RIMS2: variants seen among roughly 807,000 people sequenced by gnomAD.
The protein encoded by RIMS2 is regulating synaptic membrane exocytosis protein 2.
A neutral mutation model predicts 174.4 loss-of-function variants in RIMS2; 59 were observed. That is an observed-to-expected ratio of 0.34 (90% CI 0.27 to 0.42). The LOEUF is 0.42. Among genes scored for constraint, RIMS2 ranks in the 10% least tolerant of loss-of-function variants. The probability of loss-of-function intolerance (pLI) is 1.00; values close to 1 mark genes in which losing one functional copy is unlikely to be tolerated. For missense variants in RIMS2, 1,620 were observed against 1,666.3 expected (o/e 0.97, Z 0.48); for synonymous variants, 606 against 572.5 (o/e 1.06, Z -0.84).
At chr8:103,783,394 A>C (rs1322968520) in intron 3 of RIMS2, among the ~76,000 whole-genome samples, 1 of 149,824 alleles carries the variant, frequency 6.7e-6, no homozygotes, top group East Asian at 2.0e-4. Context: ...AGCATTAGGT[A>C]TATCTCCCAA....
At chr8:104,072,202 A>G (rs1316342081) in intron 19 of RIMS2, among the ~76,000 whole-genome samples, 1 of 152,340 alleles carries the variant, frequency 6.6e-6, no homozygotes, top group East Asian at 1.9e-4. Context: ...AGAGAAAGTT[A>G]CAGAGGAATC....
At chr8:104,117,122 G>A (rs752281781) in intron 19 of RIMS2, among the ~76,000 whole-genome samples, 1 of 152,066 alleles carries the variant, frequency 6.6e-6, no homozygotes, top group African/African-American at 2.4e-5. Context: ...ACTGAGGCAG[G>A]AGGATCACTG....
intron 19 of RIMS2, among the ~76,000 whole-genome samples, chr8:104,088,554 T>C (rs1374458526): frequency 6.6e-6 from 1 of 152,088 alleles, no homozygotes; most frequent in African/African-American, 2.4e-5. Context: ...AAAATTGGGC[T>C]TCTATATTAT....
At chr8:103,735,312 T>C (rs529676546) in intron 2 of RIMS2, among the ~76,000 whole-genome samples, 2 of 152,334 alleles carry the variant, frequency 1.3e-5, no homozygotes, top group African/African-American at 4.8e-5. Context: ...GATGTTTTCT[T>C]GTTACTTTCT....
intron 1 of RIMS2, among the ~76,000 whole-genome samples, chr8:103,574,495 G>T (rs935139327): frequency 6.6e-6 from 1 of 152,098 alleles, no homozygotes; most frequent in Non-Finnish European, 1.5e-5. Context: ...AGATTACTTC[G>T]TCTGTTTATT....
exon 16 of RIMS2, chr8:103,975,366 T>A: frequency 6.2e-7 from 1 of 1,612,408 alleles, no homozygotes; most frequent in Non-Finnish European, 8.5e-7. Flanking sequence ...GACATGATGG[T>A]CGAGATCTTC....
intron 19 of RIMS2, among the ~76,000 whole-genome samples, chr8:104,155,835 C>T (rs770637406): frequency 1.3e-5 from 2 of 152,158 alleles, no homozygotes; most frequent in African/African-American, 2.4e-5. Flanking sequence ...CCTAGTTAAG[C>T]TCTTCATCAG....
intron 3 of RIMS2, among the ~76,000 whole-genome samples, chr8:103,854,176 C>A (rs2099014271): frequency 6.6e-6 from 1 of 152,018 alleles, no homozygotes; most frequent in Admixed American, 6.6e-5. Flanking sequence ...ATTTGGCACT[C>A]AGCCTGGACA....
intron 19 of RIMS2, among the ~76,000 whole-genome samples, chr8:104,175,776 C>G (rs980840902): frequency 7.9e-5 from 12 of 152,072 alleles, no homozygotes; most frequent in African/African-American, 2.9e-4. Context: ...TAGAGGAATT[C>G]TTTCTGTAAA....
chr8:103,757,634 A>G (rs373036617), intron 2 of RIMS2, among the ~76,000 whole-genome samples: 137 of 152,332 alleles, frequency 9.0e-4, no homozygotes, highest in African/African-American at 3.2e-3. Flanking sequence ...ATGTTATCTT[A>G]TATGGCCCCC....
At chr8:104,223,705 C>G in intron 19 of RIMS2, 1 of 1,592,544 alleles carries the variant, frequency 6.3e-7, no homozygotes. Context: ...CCATGCAGCG[C>G]TCCCAGAGCC....
chr8:103,618,328 A>G (rs1042272464), intron 1 of RIMS2, among the ~76,000 whole-genome samples: 2 of 151,266 alleles, frequency 1.3e-5, no homozygotes, highest in Non-Finnish European at 3.0e-5. Context: ...TTGAATGGGG[A>G]GGGTGGGAGG....
intron 3 of RIMS2, among the ~76,000 whole-genome samples, chr8:103,794,115 A>G (rs377467049): frequency 1.1e-4 from 17 of 152,124 alleles, no homozygotes; most frequent in African/African-American, 3.9e-4. Context: ...AAAAGAGCCC[A>G]CATTGCCATG....
At chr8:103,954,837 C>T (rs1034294324) in intron 14 of RIMS2, among the ~76,000 whole-genome samples, 12 of 151,342 alleles carry the variant, frequency 7.9e-5, no homozygotes, top group African/African-American at 2.9e-4. Context: ...AAAAGACAAA[C>T]AAAACAGACT....
At chr8:103,935,783 T>A (rs558832778) in intron 12 of RIMS2, among the ~76,000 whole-genome samples, 2 of 152,220 alleles carry the variant, frequency 1.3e-5, no homozygotes, top group Non-Finnish European at 2.9e-5. Context: ...AATATTTGAA[T>A]GTTTAAAAAT....
rs1009976952 is a variant in RIMS2 at position 103,904,845 on chromosome 8, C to CT, written c.1625-5280dup. Among the ~76,000 whole-genome samples, 30 of 150,814 alleles carry CT rather than the reference C, an allele frequency of 2.0e-4. No homozygotes were observed. In the East Asian group the frequency reaches 3.7e-3, roughly 19 times the overall value. On this transcript the variant is annotated intron_variant, in intron 4 of 23. Coordinates refer to ENST00000504942, the Ensembl canonical transcript of RIMS2. Reference sequence around the variant, plus strand: ...CTTGCCTTCCTACAGGTTATTTGAACTTTTTTTTTAAACATTTTGTGAATT... The same window carrying CT: ...CTTGCCTTCCTACAGGTTATTTGAACTTTTTTTTTTAAACATTTTGTGAATT...
At chr8:103,886,349 C>A (rs2154520068) in intron 4 of RIMS2, 126 bp downstream of exon 7, 1 of 756,808 alleles carries the variant, frequency 1.3e-6, no homozygotes, top group East Asian at 2.7e-5. Flanking sequence ...CTTTTAATGG[C>A]ATCGAACGTG....
chr8:103,528,717 T>C (rs904329643), intron 1 of RIMS2, among the ~76,000 whole-genome samples: 1 of 152,206 alleles, frequency 6.6e-6, no homozygotes, highest in Non-Finnish European at 1.5e-5. Flanking sequence ...TGTAGTATTA[T>C]TTCTGAGGGC....
intron 19 of RIMS2, among the ~76,000 whole-genome samples, chr8:104,118,791 A>G (rs1320528601): frequency 6.6e-6 from 1 of 152,120 alleles, no homozygotes; most frequent in East Asian, 1.9e-4. Flanking sequence ...GCATTGTGGG[A>G]TTCTGGTGAA....
Sources: allele counts gnomAD v4.1 joint callset (sites outside exome capture counted in the v4.1 genomes callset), GRCh38; gene constraint gnomAD v4.1.1; transcripts MANE v1.5; gene names NCBI Gene and HGNC (gene_info 2026-07-23, HGNC 2026-07-21).